The following ZNF681 variants were observed in gnomAD, a reference collection of about 807,000 sequenced individuals.
ZNF681 encodes zinc finger protein 681.
ZNF681 carries 37 observed loss-of-function variants against 56.0 expected under a neutral mutation model. That is an observed-to-expected ratio of 0.66 (90% CI 0.51 to 0.87). ZNF681 has a LOEUF of 0.87. Among genes scored for constraint, ZNF681 ranks in the 40% least tolerant of loss-of-function variants. ZNF681 has a pLI of 0.00. For missense variants in ZNF681, 741 were observed against 744.9 expected (o/e 0.99, Z 0.06); for synonymous variants, 225 against 248.6 (o/e 0.91, Z 0.89).
intron 2 of ZNF681, 114 bp from the exon 3 acceptor site, chr19:23,755,032 A>C: frequency 1.5e-6 from 1 of 684,286 alleles, no homozygotes; most frequent in Non-Finnish European, 2.3e-6. Context: ...CAATCCCAAA[A>C]TACTGATTTA....
chr19:23,755,616 G>A, intron 1 of ZNF681, 65 bp from the exon 2 acceptor site: 2 of 1,370,502 alleles, frequency 1.5e-6, no homozygotes, highest in South Asian at 2.0e-5. Flanking sequence ...TTTAGAAAGT[G>A]GCCATGGAAA....
chr19:23,751,042 TTG>T lies in ZNF681; in HGVS notation c.226+3779_226+3780del, dbSNP rs1599457111. 8.9e-3 allele frequency among the ~76,000 whole-genome samples: 3 copies of T among 338 alleles called. No homozygotes were observed. The East Asian group carries it at 0.3, about 34-fold the overall frequency. The allele number at this position is 338 out of a possible 152,430, so 0.2% of individuals were successfully genotyped here. A position where few individuals can be genotyped will look rare whatever the true frequency, so the allele number is the denominator to read the frequency against. ...TACTCGGGAGGCTGAGGCAGGAGAATTGCTTGAACCTGGGAGGTGGAGGTTGC... is the reference window on the plus strand; with the variant it reads ...TACTCGGGAGGCTGAGGCAGGAGAATCTTGAACCTGGGAGGTGGAGGTTGC... On this transcript the variant is annotated intron_variant, in intron 3 of 3. Coordinates refer to ENST00000402377, the MANE Select transcript of ZNF681 (RefSeq NM_138286.3).
Position 23,755,489 on chromosome 19 carries a change from G to C in ZNF681, c.66C>G (p.Asp22Glu), listed in dbSNP as rs531291554. Reference sequence around the variant, plus strand: ...TCCTATATAAATTCTGCTGTATAGTGTCCAGGCATTGCCACTCCTCCAGAG... The same window carrying C: ...TCCTATATAAATTCTGCTGTATAGTCTCCAGGCATTGCCACTCCTCCAGAG... ...EFSLEEWQCL[D>E]TIQQNLYRNV... The change falls in exon 2 of 4, where the codon GAC becomes GAG. Residue 22 changes from aspartate (D) to glutamate (E), a missense_variant. Transcript: ENST00000402377. The C allele has an allele frequency of 3.6e-4, 572 of 1,610,848 alleles. 7 individuals are homozygous for C. In the South Asian group the frequency reaches 6.0e-3, roughly 17 times the overall value.
At chr19:23,750,624 C>T (rs1370892708) in intron 3 of ZNF681, among the ~76,000 whole-genome samples, 3 of 152,024 alleles carry the variant, frequency 2.0e-5, no homozygotes, top group South Asian at 2.1e-4. Context: ...GACAAATCAC[C>T]TGAGGTCAGA....
In ZNF681 at chr19:23,744,224, ATTC is replaced by A; in HGVS notation, c.1323_1325del (p.Lys441del). On this transcript the variant is annotated inframe_deletion, in exon 4 of 4. Coordinates refer to ENST00000402377, the MANE Select transcript of ZNF681 (RefSeq NM_138286.3). ...TGTATGGTTTCTCTTCAGTATGAAT[ATTC>A]TTATGTTCAGTAAGGTTTGAGGATT... 6 of 1,610,480 alleles carry A rather than the reference ATTC, an allele frequency of 3.7e-6. No homozygotes were observed. The highest frequency in any genetic ancestry group is 5.1e-6 in the Non-Finnish European group (6 of 1,178,918).
At position 23,742,465 on chromosome 19, in the gene ZNF681, T is replaced by A. The variant is rs1965574; in HGVS notation, c.*1147A>T. 0.98 allele frequency: 148,404 copies of A among 151,656 alleles called. 72,706 individuals are homozygous for A. Among genetic ancestry groups the A allele is most frequent in the Middle Eastern group, 1 (294 of 294 alleles). 9.4% of individuals were successfully genotyped at this position (151,656 alleles called of 1,614,324 possible). A position where few individuals can be genotyped will look rare whatever the true frequency, so the allele number is the denominator to read the frequency against. Reference sequence around the variant, plus strand: ...AAGATCACACCATTGCACTCCAGCCTGGGCAACAAGAGCAAAACTCTGTCT... The same window carrying A: ...AAGATCACACCATTGCACTCCAGCCAGGGCAACAAGAGCAAAACTCTGTCT... On this transcript the variant is annotated 3_prime_UTR_variant, in exon 4 of 4. Coordinates refer to ENST00000402377, the MANE Select transcript of ZNF681 (RefSeq NM_138286.3).
At chr19:23,747,754 G>GTGT (rs1968967381) in intron 3 of ZNF681, among the ~76,000 whole-genome samples, 1 of 151,750 alleles carries the variant, frequency 6.6e-6, no homozygotes, top group African/African-American at 2.4e-5. Flanking sequence ...GAACAAAGAG[G>GTGT]TGTTATACTT....
intron 1 of ZNF681, 129 bp downstream of exon 1, chr19:23,758,618 G>T: frequency 1.1e-5 from 15 of 1,399,048 alleles, no homozygotes; most frequent in Non-Finnish European, 1.5e-5. Context: ...CCATCTTATG[G>T]TCCAAGTGGA....
At chr19:23,747,076 T>G (rs1968954639) in intron 3 of ZNF681, among the ~76,000 whole-genome samples, 1 of 152,124 alleles carries the variant, frequency 6.6e-6, no homozygotes, top group African/African-American at 2.4e-5. Flanking sequence ...GTCACTGCAC[T>G]CCAGCCTGGG....
intron 3 of ZNF681, among the ~76,000 whole-genome samples, chr19:23,751,619 A>T (rs1220101132): frequency 6.6e-6 from 1 of 152,218 alleles, no homozygotes; most frequent in Non-Finnish European, 1.5e-5. Flanking sequence ...GTGTAATCAT[A>T]AACAGAAGAT....
At position 23,743,432 on chromosome 19, in the gene ZNF681, C is replaced by T; in HGVS notation, c.*180G>A. Reference sequence around the variant, plus strand: ...TGTGAACAGATATTAATGGCTTTTTCACATTCTGTATATTTGAAATTTTTT... The same window carrying T: ...TGTGAACAGATATTAATGGCTTTTTTACATTCTGTATATTTGAAATTTTTT... On this transcript the variant is annotated 3_prime_UTR_variant, in exon 4 of 4. Transcript: ENST00000402377. The T allele has an allele frequency of 2.0e-6, 1 of 494,570 alleles. No homozygotes were observed. The highest frequency in any genetic ancestry group is 3.4e-6 in the Non-Finnish European group (1 of 294,440). 30.6% of individuals were successfully genotyped at this position (494,570 alleles called of 1,614,324 possible).
intron 3 of ZNF681, among the ~76,000 whole-genome samples, chr19:23,752,555 G>A (rs746712652): frequency 7.8e-5 from 10 of 127,592 alleles, no homozygotes; most frequent in Admixed American, 3.5e-4. Context: ...CCTAGTGACT[G>A]CCCTACAGGT....
chr19:23,758,756 G>T lies in ZNF681; in HGVS notation c.-7C>A. Reference sequence around the variant, plus strand: ...GACCCGACATTCTCACCATTTCTAGGTTTCCGGGGGACCTGGCGTCTTAGC... The same window carrying T: ...GACCCGACATTCTCACCATTTCTAGTTTTCCGGGGGACCTGGCGTCTTAGC... On this transcript the variant is annotated 5_prime_UTR_variant, in exon 1 of 4. Transcript: ENST00000402377. 1.9e-6 allele frequency: 3 copies of T among 1,614,238 alleles called. No individual in the cohort carries two copies. The highest frequency in any genetic ancestry group is 2.5e-6 in the Non-Finnish European group (3 of 1,180,052).
At chr19:23,748,270 T>C (rs1968974861) in intron 3 of ZNF681, among the ~76,000 whole-genome samples, 1 of 152,166 alleles carries the variant, frequency 6.6e-6, no homozygotes, top group African/African-American at 2.4e-5. Context: ...CCGAGGGTCA[T>C]GACCAACTCA....
chr19:23,748,759 A>C (rs1339023365), intron 3 of ZNF681, among the ~76,000 whole-genome samples: 1 of 152,230 alleles, frequency 6.6e-6, no homozygotes, highest in Non-Finnish European at 1.5e-5. Flanking sequence ...AATTGGAAAA[A>C]GCATTTGAAA....
At chr19:23,756,322 C>CT (rs898153486) in intron 1 of ZNF681, among the ~76,000 whole-genome samples, 1 of 656 alleles carries the variant, frequency 1.5e-3, no homozygotes, top group Non-Finnish European at 5.7e-3. Flanking sequence ...GACACTCTGT[C>CT]CCCCCCCAAA....
intron 3 of ZNF681, among the ~76,000 whole-genome samples, chr19:23,749,929 A>C (rs1174059721): frequency 6.6e-6 from 1 of 152,000 alleles, no homozygotes; most frequent in Non-Finnish European, 1.5e-5. Context: ...TGGTGAAAAT[A>C]AAACTATTTC....
In ZNF681 at chr19:23,743,668, C is replaced by CA; in HGVS notation, c.1881dup (p.Glu628Ter). The CA allele has an allele frequency of 6.4e-7, 1 of 1,569,526 alleles. No individual in the cohort carries two copies. The highest frequency in any genetic ancestry group is 8.6e-7 in the Non-Finnish European group (1 of 1,160,496). The stretch of plus-strand genomic sequence containing the variant: ...TGTTTAGAAAACTTTGAAGTGTTTT[C>CA]AAAATCACTGTTACATCTTTTAGGT... On this transcript the variant is annotated frameshift_variant, in exon 4 of 4. Coordinates refer to ENST00000402377, the MANE Select transcript of ZNF681 (RefSeq NM_138286.3). LOFTEE classifies it high-confidence loss of function.
rs375075661 is a variant in ZNF681, at chr19:23,739,441, T to C, written c.*4171A>G. On this transcript the variant is annotated 3_prime_UTR_variant, in exon 4 of 4. Transcript: ENST00000402377. ...GCATGGTGCCTATAGTTCATAACAATGTATTTGTATTTCTGAAAAATGCTA... is the reference window on the plus strand; with the variant it reads ...GCATGGTGCCTATAGTTCATAACAACGTATTTGTATTTCTGAAAAATGCTA... 4 of 152,200 alleles carry C rather than the reference T, an allele frequency of 2.6e-5. No individual in the cohort carries two copies. The highest frequency in any genetic ancestry group is 9.6e-5 in the African/African-American group (4 of 41,452). The allele number at this position is 152,200 out of a possible 1,614,324, so 9.4% of individuals were successfully genotyped here. A position where few individuals can be genotyped will look rare whatever the true frequency, so the allele number is the denominator to read the frequency against.
Sources: gnomAD v4.1 joint callset for allele counts (sites outside exome capture counted in the v4.1 genomes callset) on GRCh38, gnomAD v4.1.1 for gene constraint, MANE v1.5 for transcripts, NCBI Gene and HGNC (gene_info 2026-07-23, HGNC 2026-07-21) for gene names.